The following EPHA6 variants were observed in gnomAD, a reference collection of about 807,000 sequenced individuals.
EPHA6 encodes EPH receptor A6.
In EPHA6, 50 loss-of-function variants were observed where a neutral mutation model predicts 112.0. That is an observed-to-expected ratio of 0.45 (90% CI 0.36 to 0.56). EPHA6 has a LOEUF of 0.56. Ranked by LOEUF, EPHA6 falls within the 20% of genes least tolerant of loss-of-function variation. EPHA6 has a pLI of 0.00. For synonymous variants in EPHA6, 529 were observed against 490.7 expected (o/e 1.08, Z -1.03); for missense variants, 1,280 against 1,417.4 (o/e 0.90, Z 1.56).
chr3:97,193,181 C>A (rs1404302300), intron 3 of EPHA6, among the ~76,000 whole-genome samples: 2 of 152,054 alleles, frequency 1.3e-5, no homozygotes, highest in Non-Finnish European at 2.9e-5. Flanking sequence ...TGAAGAATGT[C>A]ATTGGTATTT....
intron 3 of EPHA6, among the ~76,000 whole-genome samples, chr3:96,989,354 G>A (rs1335827317): frequency 2.6e-5 from 4 of 152,096 alleles, no homozygotes; most frequent in African/African-American, 4.8e-5. Context: ...ATTTTACAAA[G>A]CATGAATCAG....
intron 2 of EPHA6, among the ~76,000 whole-genome samples, chr3:96,890,121 TAA>T (rs201453352): frequency 7.1e-5 from 10 of 140,688 alleles, no homozygotes; most frequent in African/African-American, 1.8e-4. Flanking sequence ...ACCCCCAAAA[TAA>T]AAAAAAAAAC....
chr3:97,726,173 A>G (rs1435470678), intron 15 of EPHA6, among the ~76,000 whole-genome samples: 1 of 152,102 alleles, frequency 6.6e-6, no homozygotes, highest in Non-Finnish European at 1.5e-5. Context: ...ACTGAGGCTT[A>G]TAAAGTACAA....
chr3:97,521,172 T>C (rs747219095), intron 10 of EPHA6, among the ~76,000 whole-genome samples: 4 of 152,010 alleles, frequency 2.6e-5, no homozygotes, highest in Non-Finnish European at 5.9e-5. Flanking sequence ...TTTAACATCA[T>C]TATTTTTCTC....
chr3:97,085,982 T>C lies in EPHA6; in HGVS notation c.1114+97989T>C, dbSNP rs1035121938. ...AGATGGAGTCTCTTGTCACTCAGGC[T>C]GGAGTGCAGTGGCGTGATCTCAGCT... On this transcript the variant is annotated intron_variant, in intron 3 of 17. Transcript: ENST00000389672. 2.8e-5 allele frequency among the ~76,000 whole-genome samples: 4 copies of C among 144,690 alleles called. No homozygotes were observed. The East Asian group carries it at 7.9e-4, about 28-fold the overall frequency. The allele number at this position is 144,690 out of a possible 152,430, so 94.9% of individuals were successfully genotyped here. A position where few individuals can be genotyped will look rare whatever the true frequency, so the allele number is the denominator to read the frequency against.
chr3:97,385,141 ATAATT>A (rs2085984873), intron 5 of EPHA6, among the ~76,000 whole-genome samples: 1 of 152,212 alleles, frequency 6.6e-6, no homozygotes. Flanking sequence ...GACAAAATCT[ATAATT>A]TATTCTTTTA....
In EPHA6 at chr3:97,278,061, G is replaced by A. The variant is rs145451249; in HGVS notation, c.1606+33774G>A. ...AGCACATGACTGTACTATAATTTCC[G>A]TTTATCTGTTGATAGATACTTAAGT... On this transcript the variant is annotated intron_variant, in intron 5 of 17. Coordinates refer to ENST00000389672, the MANE Select transcript of EPHA6 (RefSeq NM_001080448.3). 1.8e-4 allele frequency among the ~76,000 whole-genome samples: 28 copies of A among 152,212 alleles called. No individual in the cohort carries two copies. The East Asian group carries it at 4.6e-3, about 25-fold the overall frequency.
chr3:97,046,414 T>A (rs1434903769), intron 3 of EPHA6, among the ~76,000 whole-genome samples: 1 of 152,098 alleles, frequency 6.6e-6, no homozygotes, highest in Admixed American at 6.5e-5. Flanking sequence ...TAGAACACAA[T>A]GTCCTTAAAA....
intron 2 of EPHA6, among the ~76,000 whole-genome samples, chr3:96,919,501 T>C (rs1467771628): frequency 2.6e-5 from 4 of 151,920 alleles, no homozygotes; most frequent in Non-Finnish European, 4.4e-5. Context: ...TAAAAATGAC[T>C]CATTTAGTTA....
At chr3:97,118,034 T>C (rs2047941788) in intron 3 of EPHA6, among the ~76,000 whole-genome samples, 1 of 151,830 alleles carries the variant, frequency 6.6e-6, no homozygotes, top group Non-Finnish European at 1.5e-5. Context: ...AACTTCTTTT[T>C]GATCTTCAAA....
intron 7 of EPHA6, among the ~76,000 whole-genome samples, chr3:97,453,979 T>A (rs1340747406): frequency 6.6e-6 from 1 of 151,784 alleles, no homozygotes; most frequent in Non-Finnish European, 1.5e-5. Flanking sequence ...CCCCTCTAAA[T>A]GTAATCCAAA....
At chr3:96,878,632 G>A (rs1289019126) in intron 2 of EPHA6, among the ~76,000 whole-genome samples, 1 of 151,930 alleles carries the variant, frequency 6.6e-6, no homozygotes, top group Non-Finnish European at 1.5e-5. Context: ...AAGCTATTAT[G>A]AGCTAATGTC....
At chr3:97,445,769 AAAG>A (rs1198351800) in intron 6 of EPHA6, among the ~76,000 whole-genome samples, 1 of 151,878 alleles carries the variant, frequency 6.6e-6, no homozygotes, top group Non-Finnish European at 1.5e-5. Context: ...ATCATGAAAA[AAAG>A]AAATTATAAA....
At chr3:97,079,062 A>G (rs140550838) in intron 3 of EPHA6, among the ~76,000 whole-genome samples, 6 of 152,306 alleles carry the variant, frequency 3.9e-5, no homozygotes, top group African/African-American at 9.6e-5. Context: ...ACATGCATGT[A>G]TATGTTCATT....
chr3:97,622,355 T>G (rs1352439569), intron 13 of EPHA6, among the ~76,000 whole-genome samples: 1 of 151,900 alleles, frequency 6.6e-6, no homozygotes, highest in Non-Finnish European at 1.5e-5. Context: ...AGTATTTGTC[T>G]TTTGTGATTG....
chr3:97,021,543 A>G (rs2107981508), intron 3 of EPHA6, among the ~76,000 whole-genome samples: 1 of 152,266 alleles, frequency 6.6e-6, no homozygotes, highest in Middle Eastern at 3.4e-3. Flanking sequence ...CCACAAATTT[A>G]TGTTTTCACA....
intron 2 of EPHA6, among the ~76,000 whole-genome samples, chr3:96,930,459 C>G (rs1218850088): frequency 6.6e-6 from 1 of 152,158 alleles, no homozygotes; most frequent in Non-Finnish European, 1.5e-5. Flanking sequence ...TTCTATAGGG[C>G]TGCTGCAGGT....
intron 14 of EPHA6, among the ~76,000 whole-genome samples, chr3:97,702,177 C>T (rs959879096): frequency 2.6e-4 from 40 of 152,196 alleles, no homozygotes; most frequent in African/African-American, 9.4e-4. Context: ...CTTTCACTTA[C>T]ATGGATTTTG....
At chr3:97,667,849 G>A (rs986574713) in intron 14 of EPHA6, among the ~76,000 whole-genome samples, 5 of 152,086 alleles carry the variant, frequency 3.3e-5, no homozygotes, top group African/African-American at 1.2e-4. Flanking sequence ...CCTGCCTTTG[G>A]ATGCTACTTT....
Sources: allele counts gnomAD v4.1 joint callset (sites outside exome capture counted in the v4.1 genomes callset), GRCh38; gene constraint gnomAD v4.1.1; transcripts MANE v1.5; gene names NCBI Gene and HGNC (gene_info 2026-07-23, HGNC 2026-07-21).